Variants in PRRT1B observed in about 807,000 individuals in gnomAD.
The protein encoded by PRRT1B is proline rich transmembrane protein 1B.
At chr9:131,552,974 T>C (rs1008012463) in intron 1 of PRRT1B, among the ~76,000 whole-genome samples, 3 of 151,906 alleles carry the variant, frequency 2.0e-5, no homozygotes, top group Non-Finnish European at 4.4e-5. Flanking sequence ...GCGTGAGCCA[T>C]TGTGCCTGGC....
At position 131,548,437 on chromosome 9, in the gene PRRT1B, A is replaced by T. The variant is rs142181079; in HGVS notation, c.25+2797A>T. On this transcript the variant is annotated intron_variant, in intron 1 of 3. Coordinates refer to ENST00000636672, the Ensembl canonical transcript of PRRT1B. ...TCTTCTGCAACACCGCTTGACCCCA[A>T]TACAAACTCGACAGTGGTTCCAAAT... Among the ~76,000 whole-genome samples the T allele has an allele frequency of 9.4e-3, 1,426 of 152,242 alleles. 26 individuals carry two copies. Among genetic ancestry groups the T allele is most frequent in the African/African-American group, 0.031 (1,302 of 41,536 alleles).
At chr9:131,554,172 C>A (rs1429157204) in intron 1 of PRRT1B, among the ~76,000 whole-genome samples, 1 of 152,254 alleles carries the variant, frequency 6.6e-6, no homozygotes, top group Non-Finnish European at 1.5e-5. Flanking sequence ...GCGTCCCCTT[C>A]ATTGGAGGTG....
At chr9:131,546,958 C>T (rs901976062) in intron 1 of PRRT1B, among the ~76,000 whole-genome samples, 1 of 151,826 alleles carries the variant, frequency 6.6e-6, no homozygotes, top group Non-Finnish European at 1.5e-5. Context: ...TGCTGGGAGT[C>T]TCGGTTCCCT....
downstream of PRRT1B, among the ~76,000 whole-genome samples, chr9:131,559,055 T>C (rs368175146): frequency 5.3e-5 from 8 of 152,320 alleles, 1 homozygote; most frequent in African/African-American, 1.9e-4. Context: ...GGCCAGCCTG[T>C]AGAACCGTAC....
intron 1 of PRRT1B, among the ~76,000 whole-genome samples, chr9:131,548,672 G>A (rs1387605154): frequency 1.3e-5 from 2 of 152,094 alleles, no homozygotes; most frequent in Non-Finnish European, 2.9e-5. Flanking sequence ...GCGTCACTGA[G>A]TCTTTTGAAT....
chr9:131,551,560 A>C lies in PRRT1B; in HGVS notation c.26-2997A>C, dbSNP rs1288304381. On this transcript the variant is annotated intron_variant, in intron 1 of 3. Transcript: ENST00000636672. This position sits in a 1 kb window ranked among gnomAD's most constrained non-coding sequence, Gnocchi z 4.4. ...GCCTCTGAGCCAAAGCTAAGCCATC[A>C]TATCCCCTGTGACCTGCATGTACAC... 2.6e-5 allele frequency among the ~76,000 whole-genome samples: 4 copies of C among 152,178 alleles called. No homozygotes were observed. Among genetic ancestry groups the C allele is most frequent in the African/African-American group, 4.8e-5 (2 of 41,432 alleles).
intron 2 of PRRT1B, among the ~76,000 whole-genome samples, chr9:131,555,785 A>G (rs1354549782): frequency 1.3e-5 from 2 of 152,148 alleles, no homozygotes; most frequent in Admixed American, 6.5e-5. Flanking sequence ...CCCAGTGAGG[A>G]CGATAGAGAT....
chr9:131,549,419 CCATGTCCCAT>C (rs112513987), intron 1 of PRRT1B, among the ~76,000 whole-genome samples: 19,995 of 152,172 alleles, frequency 0.13, 2,053 homozygotes, highest in African/African-American at 0.28. Flanking sequence ...TCCTCCTAAG[CCATGTCCCAT>C]CTGTGCGGGA....
intron 2 of PRRT1B, 56 bp from the exon 3 acceptor site, chr9:131,556,014 C>G (rs1951046841): frequency 2.5e-6 from 1 of 399,768 alleles, no homozygotes; most frequent in Admixed American, 4.4e-5. Context: ...TTCTCACTCA[C>G]TCTGTTGTCC....
intron 1 of PRRT1B, among the ~76,000 whole-genome samples, chr9:131,546,145 A>G (rs1950973180): frequency 1.3e-5 from 2 of 152,224 alleles, no homozygotes; most frequent in Admixed American, 1.3e-4. Context: ...CTGGCAGCTC[A>G]GCTCACCGCC....
chr9:131,554,179 G>A (rs1951030351), intron 1 of PRRT1B, among the ~76,000 whole-genome samples: 1 of 152,194 alleles, frequency 6.6e-6, no homozygotes, highest in African/African-American at 2.4e-5. Flanking sequence ...CTTCATTGGA[G>A]GTGTATCTCA....
intron 1 of PRRT1B, 124 bp downstream of exon 1, chr9:131,545,764 C>G (rs1457668188): frequency 2.6e-6 from 1 of 381,336 alleles, no homozygotes; most frequent in Non-Finnish European, 4.5e-6. Context: ...GGGGCAGGTG[C>G]TGGCGGAGCG....
At chr9:131,557,357 G>T (rs891295668) in intron 3 of PRRT1B, among the ~76,000 whole-genome samples, 2 of 152,132 alleles carry the variant, frequency 1.3e-5, no homozygotes, top group African/African-American at 4.8e-5. Flanking sequence ...TGACCAATAT[G>T]GTGAAACCCC....
chr9:131,552,624 G>C (rs1349949049), intron 1 of PRRT1B, among the ~76,000 whole-genome samples: 1 of 151,792 alleles, frequency 6.6e-6, no homozygotes, highest in African/African-American at 2.4e-5. Flanking sequence ...TTTTTAGGCT[G>C]GTCTGGGTTT....
intron 1 of PRRT1B, among the ~76,000 whole-genome samples, chr9:131,545,905 C>T (rs1399408465): frequency 6.6e-6 from 1 of 151,978 alleles, no homozygotes; most frequent in African/African-American, 2.4e-5. Flanking sequence ...GGTCAGGGAT[C>T]GGCAGGGCGG....
chr9:131,546,333 G>A (rs887906698), intron 1 of PRRT1B, among the ~76,000 whole-genome samples: 4 of 152,172 alleles, frequency 2.6e-5, no homozygotes, highest in African/African-American at 9.7e-5. Flanking sequence ...GGAGAGAGGC[G>A]CGGACGCGGG....
intron 3 of PRRT1B, among the ~76,000 whole-genome samples, chr9:131,557,640 TAAGC>T (rs1951059176): frequency 6.6e-6 from 1 of 152,214 alleles, no homozygotes; most frequent in Non-Finnish European, 1.5e-5. Flanking sequence ...CCCCCAGCCA[TAAGC>T]AGAAGGCAGC....
chr9:131,557,275 A>G (rs1951056729), intron 3 of PRRT1B, among the ~76,000 whole-genome samples: 1 of 152,172 alleles, frequency 6.6e-6, no homozygotes, highest in Non-Finnish European at 1.5e-5. Flanking sequence ...ATGGTGGCTC[A>G]CAAATGTAAC....
intron 3 of PRRT1B, 122 bp downstream of exon 3, chr9:131,556,335 G>T (rs896370248): frequency 2.3e-5 from 9 of 397,142 alleles, no homozygotes; most frequent in Non-Finnish European, 3.5e-5. Flanking sequence ...CTGGAGGGGG[G>T]TGGGAATTGG....
Sources: gnomAD v4.1 joint callset for allele counts (sites outside exome capture counted in the v4.1 genomes callset) on GRCh38, gnomAD v4.1.1 for gene constraint, Gnocchi (gnomAD v3.1) non-coding constraint, MANE v1.5 for transcripts, NCBI Gene and HGNC (gene_info 2026-07-23, HGNC 2026-07-21) for gene names.